The following LRP1B variants were observed in gnomAD, a reference collection of about 807,000 sequenced individuals.
LRP1B encodes low-density lipoprotein receptor-related protein 1B.
A neutral mutation model predicts 556.6 loss-of-function variants in LRP1B; 217 were observed. That is an observed-to-expected ratio of 0.39 (90% CI 0.35 to 0.44). The LOEUF (loss-of-function observed/expected upper bound fraction) is 0.44. Among genes scored for constraint, LRP1B ranks in the 20% least tolerant of loss-of-function variants. The probability of loss-of-function intolerance (pLI) is 1.00; values close to 1 mark genes in which losing one functional copy is unlikely to be tolerated. For synonymous variants in LRP1B, 2,047 were observed against 1,865.8 expected (o/e 1.10, Z -2.50); for missense variants, 5,053 against 5,620.8 (o/e 0.90, Z 3.23).
intron 41 of LRP1B, among the ~76,000 whole-genome samples, chr2:140,625,836 A>G (rs1432442957): frequency 6.6e-6 from 1 of 152,138 alleles, no homozygotes; most frequent in African/African-American, 2.4e-5. Flanking sequence ...AAAACTAAAT[A>G]TACTCTCACC....
At chr2:141,505,133 C>T (rs1475757606) in intron 2 of LRP1B, among the ~76,000 whole-genome samples, 2 of 151,820 alleles carry the variant, frequency 1.3e-5, no homozygotes, top group African/African-American at 2.4e-5. Flanking sequence ...CTCTCTTCCC[C>T]TCCCCTCAAT....
chr2:140,777,486 G>C (rs772054478), intron 32 of LRP1B, among the ~76,000 whole-genome samples: 1 of 152,158 alleles, frequency 6.6e-6, no homozygotes, highest in African/African-American at 2.4e-5. Flanking sequence ...ATGCCTTGCA[G>C]AACTCCCCTC....
intron 43 of LRP1B, among the ~76,000 whole-genome samples, chr2:140,580,459 G>A (rs768363673): frequency 6.6e-5 from 10 of 152,136 alleles, no homozygotes. Context: ...GAAATAAAAA[G>A]CGATCATTTA....
intron 23 of LRP1B, among the ~76,000 whole-genome samples, chr2:140,898,139 GT>G (rs1270669821): frequency 1.3e-5 from 2 of 152,092 alleles, no homozygotes; most frequent in Admixed American, 6.6e-5. Flanking sequence ...GGCTGTGCTG[GT>G]TCCCCACAAC....
chr2:142,005,054 ATAAT>A (rs1303452673), intron 1 of LRP1B, among the ~76,000 whole-genome samples: 1 of 148,334 alleles, frequency 6.7e-6, no homozygotes, highest in East Asian at 1.9e-4. Flanking sequence ...ATTTAGTACT[ATAAT>A]TATATATACT....
At chr2:140,814,944 A>G (rs1691059028) in intron 31 of LRP1B, among the ~76,000 whole-genome samples, 1 of 152,132 alleles carries the variant, frequency 6.6e-6, no homozygotes, top group South Asian at 2.1e-4. Context: ...GCACACATCT[A>G]CTTAACTACT....
At chr2:140,874,128 A>T (rs931912600) in intron 25 of LRP1B, among the ~76,000 whole-genome samples, 4 of 152,156 alleles carry the variant, frequency 2.6e-5, no homozygotes, top group Non-Finnish European at 5.9e-5. Flanking sequence ...TTAAAAAAAC[A>T]ACTTTTATAT....
intron 43 of LRP1B, among the ~76,000 whole-genome samples, chr2:140,556,968 A>T (rs1680756744): frequency 6.6e-6 from 1 of 152,086 alleles, no homozygotes; most frequent in East Asian, 1.9e-4. Context: ...TCATCCTAAG[A>T]TATTTCTTAA....
chr2:141,329,653 A>AC lies in LRP1B; in HGVS notation c.344-75013_344-75012insG, dbSNP rs1559009041. Among the ~76,000 whole-genome samples, 230 of 140,426 alleles carry AC rather than the reference A, an allele frequency of 1.6e-3. 3 individuals carry two copies. Among genetic ancestry groups the AC allele is most frequent in the African/African-American group, 2.5e-3 (91 of 36,324 alleles). 92.1% of individuals were successfully genotyped at this position (140,426 alleles called of 152,430 possible). ...AGCGAGACTCTGTCTCAAAAAAAAA[A>AC]AAAAAAAAAAAACTATCTCTCTCTC... On this transcript the variant is annotated intron_variant, in intron 3 of 90. Coordinates refer to ENST00000389484, the MANE Select transcript of LRP1B (RefSeq NM_018557.3).
At chr2:141,907,461 T>G (rs1242082378) in intron 1 of LRP1B, among the ~76,000 whole-genome samples, 1 of 152,016 alleles carries the variant, frequency 6.6e-6, no homozygotes, top group East Asian at 1.9e-4. Context: ...TTTCCACATT[T>G]TTGAAAGCAA....
At chr2:141,402,970 T>C (rs995342919) in intron 3 of LRP1B, among the ~76,000 whole-genome samples, 1 of 152,032 alleles carries the variant, frequency 6.6e-6, no homozygotes, top group Non-Finnish European at 1.5e-5. Flanking sequence ...ATTTTGAGTA[T>C]GAGATGGAGA....
chr2:141,503,195 ATTTAC>A (rs921322232), intron 2 of LRP1B, among the ~76,000 whole-genome samples: 1 of 148,138 alleles, frequency 6.8e-6, no homozygotes, highest in Non-Finnish European at 1.5e-5. Context: ...GTAAACATGA[ATTTAC>A]TTTATTATGA....
chr2:141,040,349 AG>A (rs1323786163), intron 11 of LRP1B, among the ~76,000 whole-genome samples: 1 of 152,112 alleles, frequency 6.6e-6, no homozygotes, highest in Admixed American at 6.6e-5. Context: ...GTAATTCATT[AG>A]TGTTATCTCA....
At chr2:141,971,540 C>T (rs1574546361) in intron 1 of LRP1B, among the ~76,000 whole-genome samples, 1 of 151,394 alleles carries the variant, frequency 6.6e-6, no homozygotes, top group South Asian at 2.1e-4. Flanking sequence ...TATGATCCTA[C>T]TCTATTTTAG....
intron 9 of LRP1B, 135 bp from the exon 10 acceptor site, chr2:141,055,394 A>C: frequency 1.3e-6 from 1 of 762,770 alleles, no homozygotes; most frequent in Non-Finnish European, 2.0e-6. Context: ...ACTATTTAGC[A>C]CCATAATCGA....
At chr2:141,742,292 C>T (rs1273792759) in intron 2 of LRP1B, among the ~76,000 whole-genome samples, 3 of 147,286 alleles carry the variant, frequency 2.0e-5, no homozygotes, top group African/African-American at 7.6e-5. Context: ...TGCTCTGTTG[C>T]CTAGGCTGGA....
At chr2:141,167,451 T>G (rs1680320088) in intron 7 of LRP1B, 2 of 151,846 alleles carry the variant, frequency 1.3e-5, no homozygotes, top group Admixed American at 1.3e-4. Flanking sequence ...GAGAAGATAT[T>G]CATTAATTGC....
At chr2:140,624,644 C>T (rs1241766434) in intron 41 of LRP1B, among the ~76,000 whole-genome samples, 1 of 152,104 alleles carries the variant, frequency 6.6e-6, no homozygotes. Flanking sequence ...AATATGATTG[C>T]ACTCCAGCAC....
intron 1 of LRP1B, among the ~76,000 whole-genome samples, chr2:142,106,865 T>C (rs1408445615): frequency 6.6e-6 from 1 of 152,158 alleles, no homozygotes; most frequent in Non-Finnish European, 1.5e-5. Flanking sequence ...ATTAATGACA[T>C]TTTTATGTGA....
Sources: allele counts gnomAD v4.1 joint callset (sites outside exome capture counted in the v4.1 genomes callset), GRCh38; gene constraint gnomAD v4.1.1; transcripts MANE v1.5; gene names NCBI Gene and HGNC (gene_info 2026-07-23, HGNC 2026-07-21).